The following SLC25A21 variants were observed in gnomAD, a reference collection of about 807,000 sequenced individuals.
SLC25A21 encodes mitochondrial 2-oxodicarboxylate carrier.
SLC25A21 carries 47 observed loss-of-function variants against 43.8 expected under a neutral mutation model. That is an observed-to-expected ratio of 1.07 (90% CI 0.85 to 1.37). The LOEUF (loss-of-function observed/expected upper bound fraction) is 1.37, where lower values mean the gene tolerates loss of function less well. Ranked by LOEUF, SLC25A21 falls within the 40% of genes most tolerant of loss-of-function variation. SLC25A21 has a pLI of 0.00. For missense variants in SLC25A21, 352 were observed against 350.2 expected (o/e 1.00, Z -0.04); for synonymous variants, 131 against 121.3 (o/e 1.08, Z -0.52).
intron 1 of SLC25A21, among the ~76,000 whole-genome samples, chr14:37,026,014 A>C (rs1961085001): frequency 6.6e-6 from 1 of 152,080 alleles, no homozygotes; most frequent in South Asian, 2.1e-4. Context: ...ACCCAGGTAT[A>C]ATCCACTATG....
chr14:36,724,984 T>A (rs998347801), intron 6 of SLC25A21, among the ~76,000 whole-genome samples: 1 of 152,218 alleles, frequency 6.6e-6, no homozygotes, highest in African/African-American at 2.4e-5. Flanking sequence ...TCACTTCAGA[T>A]TATATTAGAG....
At chr14:37,120,885 ACTGCC>A (rs1963195515) in intron 1 of SLC25A21, among the ~76,000 whole-genome samples, 1 of 152,170 alleles carries the variant, frequency 6.6e-6, no homozygotes, top group African/African-American at 2.4e-5. Flanking sequence ...TGGTATAAGT[ACTGCC>A]AGCCACATCC....
chr14:36,696,334 A>C (rs1425347694), intron 7 of SLC25A21, among the ~76,000 whole-genome samples: 1 of 152,182 alleles, frequency 6.6e-6, no homozygotes, highest in Middle Eastern at 3.2e-3. Flanking sequence ...GGATTTTTGC[A>C]TCAATGTTCA....
chr14:36,903,529 C>T (rs1891451637), intron 1 of SLC25A21, among the ~76,000 whole-genome samples: 1 of 136,988 alleles, frequency 7.3e-6, no homozygotes, highest in African/African-American at 2.7e-5. Flanking sequence ...AGGAGAATCG[C>T]TTGAACCCAG....
chr14:37,083,287 T>G (rs1962422611), intron 1 of SLC25A21, among the ~76,000 whole-genome samples: 1 of 152,218 alleles, frequency 6.6e-6, no homozygotes, highest in Non-Finnish European at 1.5e-5. Flanking sequence ...TTTCCAGGTA[T>G]TGATACACTA....
intron 5 of SLC25A21, among the ~76,000 whole-genome samples, chr14:36,729,020 T>TC (rs1884711747): frequency 6.6e-6 from 1 of 152,236 alleles, no homozygotes; most frequent in Non-Finnish European, 1.5e-5. Flanking sequence ...ATCACAATTC[T>TC]CCTTAGCTGA....
rs1007005327 is a variant in SLC25A21 at position 37,028,617 on chromosome 14, T to C, written c.70+143664A>G. Among the ~76,000 whole-genome samples the C allele has an allele frequency of 1.3e-5, 2 of 152,124 alleles. 1 individual carries two copies. Among genetic ancestry groups the C allele is most frequent in the South Asian group, 4.2e-4 (2 of 4,816 alleles). ...CACCTTTTCTGGCTGTTAACCACCA[T>C]TACAACCCTGGATGGATGCTTAGAT... is the stretch of plus-strand genomic sequence containing the variant. On this transcript the variant is annotated intron_variant, in intron 1 of 9. Transcript: ENST00000331299.
At chr14:37,112,106 C>T (rs1963030265) in intron 1 of SLC25A21, among the ~76,000 whole-genome samples, 1 of 151,996 alleles carries the variant, frequency 6.6e-6, no homozygotes, top group South Asian at 2.1e-4. Context: ...TCTCTCCTTC[C>T]TTCCTTTCTT....
chr14:36,757,010 T>C (rs1277358889), intron 3 of SLC25A21, among the ~76,000 whole-genome samples: 1 of 151,732 alleles, frequency 6.6e-6, no homozygotes, highest in Non-Finnish European at 1.5e-5. Context: ...TCCTGGCACT[T>C]TGGAAGGCTG....
At chr14:36,764,107 G>GGAAGGAAGGAAGGAAGGAAGGAAGGAAA (rs1566587790) in intron 3 of SLC25A21, among the ~76,000 whole-genome samples, 6 of 43,108 alleles carry the variant, frequency 1.4e-4, no homozygotes, top group African/African-American at 5.0e-4. Context: ...AAGGAAGGAA[G>GGAAGGAAGGAAGGAAGGAAGGAAGGAAA]GAAGGAAAGA....
At chr14:37,023,024 T>C (rs1248714546) in intron 1 of SLC25A21, among the ~76,000 whole-genome samples, 1 of 152,036 alleles carries the variant, frequency 6.6e-6, no homozygotes, top group African/African-American at 2.4e-5. Context: ...CATTGCCTTC[T>C]GCAGGCCGTC....
intron 1 of SLC25A21, among the ~76,000 whole-genome samples, chr14:37,004,846 C>CT (rs1960563496): frequency 6.6e-6 from 1 of 151,966 alleles, no homozygotes; most frequent in Non-Finnish European, 1.5e-5. Flanking sequence ...ATAGCTATTG[C>CT]TGCATACAGC....
intron 3 of SLC25A21, among the ~76,000 whole-genome samples, chr14:36,750,825 C>T (rs1885679587): frequency 1.3e-5 from 2 of 152,142 alleles, no homozygotes; most frequent in Non-Finnish European, 1.5e-5. Context: ...AGGCAGTTCC[C>T]CAGGAATTTC....
intron 1 of SLC25A21, among the ~76,000 whole-genome samples, chr14:36,894,026 C>CT (rs1057194905): frequency 3.3e-5 from 5 of 152,136 alleles, no homozygotes; most frequent in Non-Finnish European, 7.4e-5. Flanking sequence ...AATGTGGACT[C>CT]TTTTTTGGCT....
chr14:37,060,969 A>G (rs1961935730), intron 1 of SLC25A21, among the ~76,000 whole-genome samples: 1 of 152,120 alleles, frequency 6.6e-6, no homozygotes, highest in South Asian at 2.1e-4. Context: ...TTCTTGCTAT[A>G]AACTGAAGCT....
chr14:37,014,014 C>CA (rs1430529250), intron 1 of SLC25A21, among the ~76,000 whole-genome samples: 4 of 151,764 alleles, frequency 2.6e-5, no homozygotes, highest in African/African-American at 7.3e-5. Context: ...TACTTTATTG[C>CA]AAAAAAATCC....
rs192512539 is a variant in SLC25A21 at position 37,040,614 on chromosome 14, T to C, written c.70+131667A>G. Among the ~76,000 whole-genome samples the C allele has an allele frequency of 1.6e-3, 248 of 151,868 alleles. 1 individual carries two copies. The highest frequency in any genetic ancestry group is 0.011 in the South Asian group (51 of 4,810). On this transcript the variant is annotated intron_variant, in intron 1 of 9. Transcript: ENST00000331299. ...ATCTAAATAATAATAAAAAATGACA[T>C]AATTAAATTTACTTTTTCTGTGTAG...
chr14:37,107,139 AT>A (rs923563691), intron 1 of SLC25A21, among the ~76,000 whole-genome samples: 45 of 151,922 alleles, frequency 3.0e-4, no homozygotes, highest in African/African-American at 8.4e-4. Flanking sequence ...AATTATTACT[AT>A]TTTTTTTAAT....
chr14:37,162,739 C>T (rs1963966796), intron 1 of SLC25A21, among the ~76,000 whole-genome samples: 1 of 152,178 alleles, frequency 6.6e-6, no homozygotes, highest in Admixed American at 6.5e-5. Context: ...GTGGCGATTC[C>T]TCAGGGATCC....
Sources: allele counts gnomAD v4.1 joint callset (sites outside exome capture counted in the v4.1 genomes callset), GRCh38; gene constraint gnomAD v4.1.1; transcripts MANE v1.5; gene names NCBI Gene and HGNC (gene_info 2026-07-23, HGNC 2026-07-21).